The following STK32C variants were observed in gnomAD, a reference collection of about 807,000 sequenced individuals.
STK32C encodes serine/threonine-protein kinase 32C.
In STK32C, 31 loss-of-function variants were observed where a neutral mutation model predicts 56.5. The ratio of observed to expected loss-of-function variants is 0.55; its 90% confidence interval spans 0.41 to 0.74. STK32C has a LOEUF of 0.74. Among genes scored for constraint, STK32C ranks in the 30% least tolerant of loss-of-function variants. The pLI, the probability that STK32C is intolerant of heterozygous loss-of-function variation, is 0.00. For missense variants in STK32C, 544 were observed against 676.9 expected (o/e 0.80, Z 2.18); for synonymous variants, 309 against 289.4 (o/e 1.07, Z -0.69).
chr10:132,302,605 G>A (rs1481721279), intron 1 of STK32C, among the ~76,000 whole-genome samples: 2 of 152,202 alleles, frequency 1.3e-5, no homozygotes, highest in South Asian at 2.1e-4. Flanking sequence ...CCAAGCGCCT[G>A]CACTGTGGGG....
chr10:132,240,217 C>T (rs1372880267), intron 2 of STK32C, among the ~76,000 whole-genome samples: 1 of 152,232 alleles, frequency 6.6e-6, no homozygotes, highest in Non-Finnish European at 1.5e-5. Context: ...CGGACACCTG[C>T]AAGCTCTTCT....
At chr10:132,228,849 C>T (rs2062992304) in intron 2 of STK32C, among the ~76,000 whole-genome samples, 1 of 152,258 alleles carries the variant, frequency 6.6e-6, no homozygotes, top group African/African-American at 2.4e-5. Context: ...CCCTGTCCTG[C>T]AAGGAGACAC....
chr10:132,243,728 G>A (rs1413341496), intron 2 of STK32C, among the ~76,000 whole-genome samples: 1 of 152,240 alleles, frequency 6.6e-6, no homozygotes, highest in Admixed American at 6.5e-5. Flanking sequence ...GCGGCCCCGA[G>A]GGTGGAGCCA....
At position 132,253,346 on chromosome 10, in the gene STK32C, C is replaced by A. The variant is rs544385063; in HGVS notation, c.263-7391G>T. ...GGGAGCAGAGGGAGCTGGAGGGAGC[C>A]GAGGGAGCTGGAGAGAGTCAAGGGA... is the stretch of plus-strand genomic sequence containing the variant. On this transcript the variant is annotated intron_variant, in intron 1 of 11. Coordinates refer to ENST00000298630, the MANE Select transcript of STK32C (RefSeq NM_173575.4). Among the ~76,000 whole-genome samples, 8 of 149,570 alleles carry A rather than the reference C, an allele frequency of 5.3e-5. No individual in the cohort carries two copies. The East Asian group carries it at 1.2e-3, about 22-fold the overall frequency.
chr10:132,217,813 G>A (rs1011743410), intron 10 of STK32C, among the ~76,000 whole-genome samples: 10 of 152,106 alleles, frequency 6.6e-5, no homozygotes, highest in African/African-American at 2.2e-4. Flanking sequence ...TGCCTTCCAC[G>A]ACTGTGAGGC....
At position 132,299,444 on chromosome 10, in the gene STK32C, G is replaced by A. The variant is rs557427821; in HGVS notation, c.262+8128C>T. On this transcript the variant is annotated intron_variant, in intron 1 of 11. Transcript: ENST00000298630. ...GACAGCTGATCCACCAGCCAACAGCGAACTGAGACCCCAGGACGAGACCCA... is the reference window on the plus strand; with the variant it reads ...GACAGCTGATCCACCAGCCAACAGCAAACTGAGACCCCAGGACGAGACCCA... Among the ~76,000 whole-genome samples, 58 of 151,458 alleles carry A rather than the reference G, an allele frequency of 3.8e-4. No homozygotes were observed. The South Asian group carries it at 0.01, about 26-fold the overall frequency.
intron 1 of STK32C, among the ~76,000 whole-genome samples, chr10:132,263,204 G>C (rs113449734): frequency 2.2e-4 from 33 of 152,316 alleles, no homozygotes; most frequent in Non-Finnish European, 3.2e-4. Context: ...GCCCATCCAC[G>C]GTGGACTGGA....
At chr10:132,211,041 C>T (rs913963953) in intron 10 of STK32C, among the ~76,000 whole-genome samples, 1 of 152,204 alleles carries the variant, frequency 6.6e-6, no homozygotes, top group Non-Finnish European at 1.5e-5. Context: ...GCAGCCCTCT[C>T]CTCTCCATGT....
chr10:132,301,759 G>A (rs886241608), intron 1 of STK32C, among the ~76,000 whole-genome samples: 3 of 152,246 alleles, frequency 2.0e-5, no homozygotes, highest in African/African-American at 7.2e-5. Context: ...AGGACTGAGA[G>A]GAACAGAAGG....
intron 1 of STK32C, among the ~76,000 whole-genome samples, chr10:132,250,300 C>A (rs2063852487): frequency 6.7e-6 from 1 of 149,760 alleles, no homozygotes. Flanking sequence ...GCGCACAGGA[C>A]AGGTCACTGC....
intron 1 of STK32C, among the ~76,000 whole-genome samples, chr10:132,280,564 C>T (rs61864480): frequency 0.45 from 52,691 of 117,052 alleles, 10,799 homozygotes; most frequent in African/African-American, 0.59. Context: ...GCCCCTGCAC[C>T]CCGTGACCAC....
At chr10:132,251,222 C>T (rs1035362055) in intron 1 of STK32C, among the ~76,000 whole-genome samples, 4 of 152,340 alleles carry the variant, frequency 2.6e-5, no homozygotes, top group Non-Finnish European at 5.9e-5. Context: ...CCAGGCCCTA[C>T]CCAGTTTCGC....
intron 2 of STK32C, among the ~76,000 whole-genome samples, chr10:132,241,838 G>A (rs1465089253): frequency 2.0e-5 from 3 of 152,142 alleles, no homozygotes; most frequent in Non-Finnish European, 2.9e-5. Context: ...CACGAGCAGC[G>A]GCTCACAGCT....
At chr10:132,285,815 CT>C (rs2065383388) in intron 1 of STK32C, among the ~76,000 whole-genome samples, 1 of 152,196 alleles carries the variant, frequency 6.6e-6, no homozygotes, top group Admixed American at 6.5e-5. Flanking sequence ...GGCGGAATCA[CT>C]ACAGACATTA....
At chr10:132,229,822 A>C (rs1365169845) in intron 2 of STK32C, among the ~76,000 whole-genome samples, 1 of 152,226 alleles carries the variant, frequency 6.6e-6, no homozygotes, top group Admixed American at 6.5e-5. Context: ...CTAAGAAAGC[A>C]TGTCTGATGG....
chr10:132,316,474 C>T (rs377174539), intron 1 of STK32C, among the ~76,000 whole-genome samples: 1 of 152,038 alleles, frequency 6.6e-6, no homozygotes, highest in Admixed American at 6.6e-5. Context: ...AAAAAATTAG[C>T]CAGGCATGGT....
chr10:132,262,725 G>A (rs999678570), intron 1 of STK32C, among the ~76,000 whole-genome samples: 1 of 141,438 alleles, frequency 7.1e-6, no homozygotes, highest in Non-Finnish European at 1.5e-5. Flanking sequence ...CTGTACTCCG[G>A]CCTGGTGACA....
chr10:132,274,039 A>G (rs982788276), intron 1 of STK32C, among the ~76,000 whole-genome samples: 1 of 152,230 alleles, frequency 6.6e-6, no homozygotes, highest in African/African-American at 2.4e-5. Context: ...GGAGGTGCAC[A>G]TCGACTTAAA....
intron 1 of STK32C, among the ~76,000 whole-genome samples, chr10:132,250,185 G>T (rs958989264): frequency 2.0e-5 from 3 of 152,268 alleles, no homozygotes; most frequent in Non-Finnish European, 4.4e-5. Context: ...AGAGCCCAGG[G>T]TGGCACTGGC....
Sources: allele counts gnomAD v4.1 joint callset (sites outside exome capture counted in the v4.1 genomes callset), GRCh38; gene constraint gnomAD v4.1.1; transcripts MANE v1.5; gene names NCBI Gene and HGNC (gene_info 2026-07-23, HGNC 2026-07-21).